The following NOTCH4 variants were observed in gnomAD, a reference collection of about 807,000 sequenced individuals.
NOTCH4 encodes the protein neurogenic locus notch homolog protein 4.
NOTCH4 carries 138 observed loss-of-function variants against 189.0 expected under a neutral mutation model. The observed-to-expected ratio is 0.73, with a 90% CI of 0.64 to 0.84. The LOEUF (loss-of-function observed/expected upper bound fraction) is 0.84. NOTCH4 is among the 40% of genes least tolerant of loss of function. The pLI is 0.00. For synonymous variants in NOTCH4, 942 were observed against 1,032.8 expected, an observed-to-expected ratio of 0.91 and a Z score of 1.69; for missense variants, 2,286 against 2,605.4, an observed-to-expected ratio of 0.88 and a Z score of 2.67.
At position 32,201,124 on chromosome 6, in the gene NOTCH4, T is replaced by A; in HGVS notation, c.4132A>T (p.Ser1378Cys). The A allele has an allele frequency of 2.5e-6, 4 of 1,610,250 alleles. No homozygotes were observed. The highest frequency in any genetic ancestry group is 3.4e-6 in the Non-Finnish European group (4 of 1,178,376). ...QPLGKETDSL[S>C]AGFVVVMGVD... ...CTCCACCTAGCTTCTTACCCAGCAC[T>A]GAGGGAGTCGGTCTCCTTGCCCAGG... The change falls in exon 22 of 30, where the codon AGT becomes TGT. Residue 1378 changes from serine (S) to cysteine (C), a missense_variant. Coordinates refer to ENST00000375023, the MANE Select transcript of NOTCH4 (RefSeq NM_004557.4). The surrounding 1 kb of genome is among the most constrained non-coding windows in gnomAD (Gnocchi z 5.5).
Position 32,198,497 on chromosome 6 carries a change from C to T in NOTCH4, c.4680G>A (p.Ala1560=), listed in dbSNP as rs751335816. ...GAGTTAGCATGGCTGCCTGAGGGAG[C>T]GCCCCACAGCCACCACTCAGAGACC... ...QLWSLSGGCG[A]LPQAAMLTPP... is the part of the protein sequence containing the mutation. The change falls in exon 26 of 30, where the codon GCG becomes GCA. Residue 1560 remains alanine, a synonymous_variant. Transcript: ENST00000375023. This position sits in a 1 kb window ranked among gnomAD's most constrained non-coding sequence, Gnocchi z 5.5. 1.5e-5 allele frequency: 24 copies of T among 1,612,662 alleles called. No individual in the cohort carries two copies. The South Asian group carries it at 1.8e-4, about 12-fold the overall frequency.
rs771081013 is a variant in NOTCH4, at chr6:32,221,294, T to C, written c.483A>G (p.Ser161=). Residue 161 remains serine (S), a synonymous_variant, in exon 4 of 30, where the codon TCA becomes TCG. Coordinates refer to ENST00000375023, the MANE Select transcript of NOTCH4 (RefSeq NM_004557.4). The surrounding 1 kb of genome is among the most constrained non-coding windows in gnomAD (Gnocchi z 4.3). ...GEQCQLRDFC[S]ANPCVNGGVC... ...CCCCTCCATTAACACATGGGTTGGC[T>C]GAACAGAAGTCCCGAAGCTGGCACT... The C allele has an allele frequency of 3.7e-6, 6 of 1,612,886 alleles. No homozygotes were observed. Among genetic ancestry groups the C allele is most frequent in the Non-Finnish European group, 5.1e-6 (6 of 1,179,956 alleles).
chr6:32,208,714 A>C (rs1364274646), intron 18 of NOTCH4, among the ~76,000 whole-genome samples: 1 of 152,228 alleles, frequency 6.6e-6, no homozygotes, highest in Non-Finnish European at 1.5e-5. Flanking sequence ...AGCCTGGGCA[A>C]CACAGCAAGA....
intron 14 of NOTCH4, 64 bp from the exon 15 acceptor site, chr6:32,213,316 A>C: frequency 9.1e-7 from 1 of 1,100,958 alleles, no homozygotes; most frequent in Non-Finnish European, 1.4e-6. Context: ...GACCTCAGTC[A>C]CACTGTACAT....
chr6:32,203,649 G>T, intron 20 of NOTCH4, 121 bp downstream of exon 20: 2 of 711,402 alleles, frequency 2.8e-6, no homozygotes, highest in Non-Finnish European at 4.6e-6. Context: ...AGCTTGGCAT[G>T]GCTTTTTCCA....
rs544825821 is a variant in NOTCH4, at chr6:32,196,289, G to A, written c.5298+35C>T. ...CGCACTTTCCATCTCTCGTGCGCCT[G>A]ACTGTTTTGTGGGAAGCCCTCTGTC... On this transcript the variant is annotated intron_variant, in intron 29 of 29. Coordinates refer to ENST00000375023, the MANE Select transcript of NOTCH4 (RefSeq NM_004557.4). 15 of 1,612,980 alleles carry A rather than the reference G, an allele frequency of 9.3e-6. 1 individual carries two copies. The African/African-American group carries it at 1.6e-4, about 17-fold the overall frequency.
In NOTCH4 at chr6:32,220,608, TCA is replaced by T; in HGVS notation, c.954_955del (p.Cys318Ter). The T allele has an allele frequency of 1.2e-6, 2 of 1,613,846 alleles. No homozygotes were observed. Among genetic ancestry groups the T allele is most frequent in the South Asian group, 2.2e-5 (2 of 91,074 alleles). ...TCTGCAGTGAGGGGGACCCTGGGTCTCACACTCATCCACATCTTCGGAGCAGT... is the reference window on the plus strand; with the variant it reads ...TCTGCAGTGAGGGGGACCCTGGGTCTCACTCATCCACATCTTCGGAGCAGT... On this transcript the variant is annotated stop_gained and frameshift_variant, in exon 6 of 30. Coordinates refer to ENST00000375023, the MANE Select transcript of NOTCH4 (RefSeq NM_004557.4). LOFTEE classifies it high-confidence loss of function.
Position 32,221,384 on chromosome 6 carries a change from G to A in NOTCH4, c.452-59C>T. 1 of 1,297,230 alleles carries A rather than the reference G, an allele frequency of 7.7e-7. No homozygotes were observed. The highest frequency in any genetic ancestry group is 2.3e-5 in the East Asian group (1 of 43,146). 80.4% of individuals were successfully genotyped at this position (1,297,230 alleles called of 1,614,324 possible). A position where few individuals can be genotyped will look rare whatever the true frequency, so the allele number is the denominator to read the frequency against. On this transcript the variant is annotated intron_variant, in intron 3 of 29. Transcript: ENST00000375023. The surrounding 1 kb of genome is among the most constrained non-coding windows in gnomAD (Gnocchi z 4.3). ...ATTGTACGAATTCTAGCCCATCTGA[G>A]GTTACCCAGTGCTCACTCTGGATTA...
chr6:32,195,763 G>A lies in NOTCH4; in HGVS notation c.5686C>T (p.His1896Tyr). Residue 1896 changes from histidine (H) to tyrosine (Y), a missense_variant, in exon 30 of 30, where the codon CAT becomes TAT. Physicochemically the swap from His to Tyr is moderately conservative, Grantham distance 83 (BLOSUM62 2). This residue lies in a region of NOTCH4 where 383 missense variants were observed against 343.5 expected (regional missense o/e 1.11). Transcript: ENST00000375023. The surrounding 1 kb of genome is among the most constrained non-coding windows in gnomAD (Gnocchi z 5.4). Reference sequence around the variant, plus strand: ...CCTACTCCCGAGAGGCTCCGGCAATGAGAATAGGCCCCGCCCCCCCGCGCA... The same window carrying A: ...CCTACTCCCGAGAGGCTCCGGCAATAAGAATAGGCCCCGCCCCCCCGCGCA... ...LAARGGGAYSHCRSLSGVGAG... is the reference protein window; with the variant it reads ...LAARGGGAYSYCRSLSGVGAG... The A allele has an allele frequency of 1.2e-6, 2 of 1,610,954 alleles. No individual in the cohort carries two copies. Among genetic ancestry groups the A allele is most frequent in the Non-Finnish European group, 1.7e-6 (2 of 1,179,830 alleles).
In NOTCH4 at chr6:32,220,867, G is replaced by A. The variant is rs773175586; in HGVS notation, c.811C>T (p.Pro271Ser). 3 of 1,613,602 alleles carry A rather than the reference G, an allele frequency of 1.9e-6. No individual in the cohort carries two copies. In the African/African-American group the frequency reaches 4.0e-5, roughly 22 times the overall value. ...TTGTCTGGATTCACCTCACAGTCTG[G>A]GCCTATGAAACCTGACAGGGTCATG... ...LCLCPPGFIGPDCEVNPDNCV... is the reference protein window; with the variant it reads ...LCLCPPGFIGSDCEVNPDNCV... Residue 271 changes from proline (P) to serine (S), a missense_variant, in exon 5 of 30, where the codon CCA becomes TCA. Physicochemically the swap from Pro to Ser is moderately conservative, Grantham distance 74 (BLOSUM62 -1). This residue lies in a region of NOTCH4 where 1,903 missense variants were observed against 2,261.9 expected (regional missense o/e 0.84). Transcript: ENST00000375023.
chr6:32,207,529 C>T (rs1788756175), intron 18 of NOTCH4, among the ~76,000 whole-genome samples: 1 of 150,958 alleles, frequency 6.6e-6, no homozygotes, highest in African/African-American at 2.4e-5. Flanking sequence ...GAGGCTGAGG[C>T]AGGAGAATCA....
In NOTCH4 at chr6:32,202,076, G is replaced by T. The variant is rs751390609; in HGVS notation, c.3755C>A (p.Thr1252Asn). The T allele has an allele frequency of 1.1e-5, 16 of 1,426,016 alleles. No homozygotes were observed. The highest frequency in any genetic ancestry group is 1.8e-5 in the South Asian group (1 of 55,094). 88.3% of individuals were successfully genotyped at this position (1,426,016 alleles called of 1,614,324 possible). Reference protein sequence around the residue: ...GYDCETPPACTPAYDQYCHDH... With the variant: ...GYDCETPPACNPAYDQYCHDH... ...TGGCTCCAGTGGATTTCAGGCTCAC[G>T]TGCAGGCTGGAGGGGTCTCACAGTC... Residue 1252 changes from threonine (T) to asparagine (N), a missense_variant and splice_region_variant, in exon 21 of 30, where the codon ACT (threonine) becomes AAT (asparagine). Thr to Asn is a moderately conservative substitution (Grantham distance 65). This residue lies in a region of NOTCH4 where 1,903 missense variants were observed against 2,261.9 expected (regional missense o/e 0.84). Transcript: ENST00000375023. The surrounding 1 kb of genome is among the most constrained non-coding windows in gnomAD (Gnocchi z 5.7).
In NOTCH4 at chr6:32,221,620, C is replaced by T. The variant is rs919237087; in HGVS notation, c.452-295G>A. Among the ~76,000 whole-genome samples, 3 of 152,240 alleles carry T rather than the reference C, an allele frequency of 2.0e-5. No homozygotes were observed. The highest frequency in any genetic ancestry group is 6.8e-3 in the Middle Eastern group (2 of 294). On this transcript the variant is annotated intron_variant, in intron 3 of 29. Transcript: ENST00000375023. The surrounding 1 kb of genome is among the most constrained non-coding windows in gnomAD (Gnocchi z 4.3). ...CTTGGGGGAGGTGAAAAGCACCCCA[C>T]GTCTGCAGGCAGGAGACTCAGGTGG...
intron 19 of NOTCH4, 108 bp from the exon 20 acceptor site, chr6:32,203,990 C>T: frequency 1.8e-6 from 2 of 1,099,654 alleles, no homozygotes; most frequent in Non-Finnish European, 1.3e-6. Context: ...TGAAGGGATC[C>T]TGGGGCATCT....
At position 32,202,303 on chromosome 6, in the gene NOTCH4, C is replaced by T. The variant is rs1667385182; in HGVS notation, c.3528G>A (p.Lys1176=). 6.2e-7 allele frequency: 1 copy of T among 1,611,874 alleles called. No individual in the cohort carries two copies. The highest frequency in any genetic ancestry group is 1.1e-5 in the South Asian group (1 of 91,032). ...CATCTCCACTTCTGCCCTCACACCC[C>T]TTGGCTCCGGGTTTCTGACACCGGG... ...PGPRCQKPGA[K]GCEGRSGDGA... The change falls in exon 21 of 30, where the codon AAG becomes AAA. Residue 1176 remains lysine, a synonymous_variant. Transcript: ENST00000375023. This position sits in a 1 kb window ranked among gnomAD's most constrained non-coding sequence, Gnocchi z 5.7.
Position 32,198,816 on chromosome 6 carries a change from T to C in NOTCH4, c.4536-86A>G. ...TTCCAGCAGGCTTCCCACCCCTCTC[T>C]CCTTCCCCTATCTTTGACTTCTGCA... On this transcript the variant is annotated intron_variant, in intron 24 of 29. Transcript: ENST00000375023. The surrounding 1 kb of genome is among the most constrained non-coding windows in gnomAD (Gnocchi z 5.5). 1 of 1,465,892 alleles carries C rather than the reference T, an allele frequency of 6.8e-7. No homozygotes were observed. Among genetic ancestry groups the C allele is most frequent in the Non-Finnish European group, 9.3e-7 (1 of 1,079,574 alleles). The allele number at this position is 1,465,892 out of a possible 1,614,324, so 90.8% of individuals were successfully genotyped here.
Position 32,217,969 on chromosome 6 carries a change from G to A in NOTCH4, c.1624+26C>T. On this transcript the variant is annotated intron_variant, in intron 9 of 29. Coordinates refer to ENST00000375023, the MANE Select transcript of NOTCH4 (RefSeq NM_004557.4). This position sits in a 1 kb window ranked among gnomAD's most constrained non-coding sequence, Gnocchi z 4.2. Reference sequence around the variant, plus strand: ...AGGTTCAGAGGCCTGGGGTCTGAGGGTGGCCAGAGAGGCATCTGTACTCAC... The same window carrying A: ...AGGTTCAGAGGCCTGGGGTCTGAGGATGGCCAGAGAGGCATCTGTACTCAC... 1 of 1,472,760 alleles carries A rather than the reference G, an allele frequency of 6.8e-7. No homozygotes were observed. Among genetic ancestry groups the A allele is most frequent in the Non-Finnish European group, 9.5e-7 (1 of 1,052,884 alleles). The allele number at this position is 1,472,760 out of a possible 1,614,324, so 91.2% of individuals were successfully genotyped here.
At chr6:32,214,278 G>C in intron 12 of NOTCH4, 23 bp from the exon 13 acceptor site, 1 of 1,610,498 alleles carries the variant, frequency 6.2e-7, no homozygotes, top group Non-Finnish European at 8.5e-7. Context: ...AGAAAGGGGA[G>C]GGTTTTTCTC....
At position 32,210,339 on chromosome 6, in the gene NOTCH4, C is replaced by G. The variant is rs1788936946; in HGVS notation, c.2865+413G>C. Among the ~76,000 whole-genome samples, 1 of 152,122 alleles carries G rather than the reference C, an allele frequency of 6.6e-6. No individual in the cohort carries two copies. ...GAGAGGCAGGCAGGGCTGGGTCATG[C>G]AGGCCTTGGACTTTATTCAGAATGA... On this transcript the variant is annotated intron_variant, in intron 18 of 29. Coordinates refer to ENST00000375023, the MANE Select transcript of NOTCH4 (RefSeq NM_004557.4). This position sits in a 1 kb window ranked among gnomAD's most constrained non-coding sequence, Gnocchi z 4.8.
Sources: allele counts gnomAD v4.1 joint callset (sites outside exome capture counted in the v4.1 genomes callset), GRCh38; gene constraint gnomAD v4.1.1; regional missense constraint gnomAD v4.1.1; non-coding constraint Gnocchi (gnomAD v3.1); transcripts MANE v1.5; gene names NCBI Gene and HGNC (gene_info 2026-07-23, HGNC 2026-07-21).